Variants in ARHGAP42 observed in about 807,000 individuals in gnomAD.
ARHGAP42 encodes the protein rho GTPase-activating protein 42.
A neutral mutation model predicts 125.0 loss-of-function variants in ARHGAP42; 63 were observed. The ratio of observed to expected loss-of-function variants is 0.50; its 90% CI spans 0.41 to 0.62. The LOEUF (loss-of-function observed/expected upper bound fraction) is 0.62. Ranked by LOEUF, ARHGAP42 falls within the 20% of genes least tolerant of loss-of-function variation. The pLI is 0.00. For missense variants in ARHGAP42, 766 were observed against 1,024.2 expected (o/e 0.75, Z 3.44); for synonymous variants, 339 against 351.0 (o/e 0.97, Z 0.38).
chr11:100,931,222 T>C (rs1401084511), intron 6 of ARHGAP42, among the ~76,000 whole-genome samples: 2 of 152,152 alleles, frequency 1.3e-5, no homozygotes, highest in East Asian at 3.9e-4. Context: ...TTTTGCATTT[T>C]GGAGTGCTTT....
chr11:100,759,350 C>T (rs1314809493), intron 1 of ARHGAP42, among the ~76,000 whole-genome samples: 1 of 152,136 alleles, frequency 6.6e-6, no homozygotes, highest in Non-Finnish European at 1.5e-5. Flanking sequence ...AAGCCTGTGT[C>T]TAGGCACCTG....
intron 2 of ARHGAP42, among the ~76,000 whole-genome samples, chr11:100,775,092 A>G (rs1863086763): frequency 1.3e-5 from 2 of 152,108 alleles, no homozygotes; most frequent in Admixed American, 1.3e-4. Flanking sequence ...TCTAAGGATA[A>G]ATGAGCTGCA....
chr11:100,864,592 A>G (rs1865523270), intron 4 of ARHGAP42, among the ~76,000 whole-genome samples: 1 of 152,136 alleles, frequency 6.6e-6, no homozygotes. Context: ...AACTTGCGCT[A>G]AGGAGGCCAA....
intron 3 of ARHGAP42, among the ~76,000 whole-genome samples, chr11:100,835,489 C>G (rs1164697367): frequency 6.6e-6 from 1 of 151,996 alleles, no homozygotes; most frequent in East Asian, 1.9e-4. Context: ...TGTAACTTTT[C>G]TAAACATCAC....
At chr11:100,887,704 A>G (rs999725213) in intron 4 of ARHGAP42, among the ~76,000 whole-genome samples, 4 of 152,202 alleles carry the variant, frequency 2.6e-5, no homozygotes, top group Non-Finnish European at 5.9e-5. Context: ...ACAAGGATGG[A>G]TACAGACAGT....
In ARHGAP42 at chr11:100,725,063, A is replaced by G. The variant is rs1397382321; in HGVS notation, c.154+37231A>G. ...TTTTTAAATTTCTTTGGAGATTTCT[A>G]CGACCTGTATGTCCTTTTGAAGTAA... On this transcript the variant is annotated intron_variant, in intron 1 of 23. Coordinates refer to ENST00000298815, the MANE Select transcript of ARHGAP42 (RefSeq NM_152432.4). Among the ~76,000 whole-genome samples, 3 of 152,102 alleles carry G rather than the reference A, an allele frequency of 2.0e-5. No individual in the cohort carries two copies. In the East Asian group the frequency reaches 5.8e-4, roughly 29 times the overall value.
chr11:100,756,827 A>G (rs1037817456), intron 1 of ARHGAP42, among the ~76,000 whole-genome samples: 1 of 152,234 alleles, frequency 6.6e-6, no homozygotes, highest in Non-Finnish European at 1.5e-5. Context: ...CTCTGTGTAC[A>G]GATCATTGAA....
In ARHGAP42 at chr11:100,936,254, A is replaced by T. The variant is rs1482364999; in HGVS notation, c.754A>T (p.Arg252Trp). Residue 252 changes from arginine (R) to tryptophan (W), a missense_variant, in exon 8 of 24, where the codon AGG (arginine) becomes TGG (tryptophan). By Grantham distance (101) the Arg-to-Trp change is moderately radical (BLOSUM62 -3). Coordinates refer to ENST00000298815, the MANE Select transcript of ARHGAP42 (RefSeq NM_152432.4). ...TRQEVERLMQ[R>W]MKSANQDYRP... ...ACAAGAGGTAGAGCGGTTGATGCAA[A>T]GGATGAAATCTGCTAACCAGGACTA... The T allele has an allele frequency of 6.4e-7, 1 of 1,551,772 alleles. No individual in the cohort carries two copies. The highest frequency in any genetic ancestry group is 1.2e-5 in the South Asian group (1 of 84,064).
Position 100,992,705 on chromosome 11 carries a change from C to A in ARHGAP42, c.*3904C>A. ...AATGCAGGTTTATGAATGATGTGGACTTTTAGAGGATCAAATCAATAAATT... is the reference window on the plus strand; with the variant it reads ...AATGCAGGTTTATGAATGATGTGGAATTTTAGAGGATCAAATCAATAAATT... On this transcript the variant is annotated 3_prime_UTR_variant, in exon 24 of 24. Transcript: ENST00000298815. The A allele has an allele frequency of 6.4e-7, 1 of 1,556,220 alleles. No homozygotes were observed. The highest frequency in any genetic ancestry group is 1.2e-5 in the South Asian group (1 of 81,134).
intron 5 of ARHGAP42, among the ~76,000 whole-genome samples, chr11:100,914,013 C>T (rs558865787): frequency 5.0e-4 from 76 of 152,246 alleles, no homozygotes; most frequent in Admixed American, 4.6e-3. Context: ...CAGCTCACTG[C>T]AACCTCTGCC....
At chr11:100,723,787 T>C (rs1223378546) in intron 1 of ARHGAP42, among the ~76,000 whole-genome samples, 1 of 152,168 alleles carries the variant, frequency 6.6e-6, no homozygotes, top group Non-Finnish European at 1.5e-5. Flanking sequence ...ATTTTTAGTA[T>C]GATGCTGGAT....
At chr11:100,814,783 T>C (rs1428279083) in intron 3 of ARHGAP42, among the ~76,000 whole-genome samples, 1 of 152,222 alleles carries the variant, frequency 6.6e-6, no homozygotes, top group Non-Finnish European at 1.5e-5. Flanking sequence ...GGATCCACCT[T>C]CATGATCCAG....
intron 4 of ARHGAP42, among the ~76,000 whole-genome samples, chr11:100,896,280 G>T (rs1166721573): frequency 1.3e-5 from 2 of 152,106 alleles, no homozygotes; most frequent in Non-Finnish European, 2.9e-5. Flanking sequence ...CTTTTCTATT[G>T]TGAATAGTGC....
chr11:100,895,657 T>G (rs938782916), intron 4 of ARHGAP42, among the ~76,000 whole-genome samples: 2 of 151,882 alleles, frequency 1.3e-5, no homozygotes, highest in Non-Finnish European at 2.9e-5. Context: ...GAGGAAGGCA[T>G]CTGGGAACTT....
At chr11:100,852,196 T>TA (rs1435305130) in intron 3 of ARHGAP42, among the ~76,000 whole-genome samples, 40 of 152,178 alleles carry the variant, frequency 2.6e-4, no homozygotes, top group Admixed American at 2.6e-3. Flanking sequence ...ATAAGTAATT[T>TA]AAGAAATTGC....
At chr11:100,974,314 C>G in intron 18 of ARHGAP42, 145 bp from the exon 19 acceptor site, 1 of 705,400 alleles carries the variant, frequency 1.4e-6, no homozygotes, top group Admixed American at 3.0e-5. Flanking sequence ...TGAAAGAATA[C>G]TCCAGATAAA....
chr11:100,790,290 G>A (rs1387525069), intron 2 of ARHGAP42, among the ~76,000 whole-genome samples: 1 of 151,870 alleles, frequency 6.6e-6, no homozygotes, highest in African/African-American at 2.4e-5. Context: ...CAACTATTAT[G>A]TTTGTGAACG....
chr11:100,962,574 G>C, intron 16 of ARHGAP42, 107 bp downstream of exon 16: 1 of 1,057,194 alleles, frequency 9.5e-7, no homozygotes, highest in Non-Finnish European at 1.3e-6. Context: ...TTCAAGTATT[G>C]CTTAAAAAGT....
intron 3 of ARHGAP42, among the ~76,000 whole-genome samples, chr11:100,831,497 A>T (rs1864662834): frequency 6.6e-6 from 1 of 152,222 alleles, no homozygotes; most frequent in African/African-American, 2.4e-5. Flanking sequence ...GAGTCAAGAA[A>T]ATATCCGATG....
Sources: allele counts gnomAD v4.1 joint callset (sites outside exome capture counted in the v4.1 genomes callset), GRCh38; gene constraint gnomAD v4.1.1; transcripts MANE v1.5; gene names NCBI Gene and HGNC (gene_info 2026-07-23, HGNC 2026-07-21).